Variants in EXOC4 observed in about 807,000 individuals in gnomAD.
The protein encoded by EXOC4 is exocyst complex component 4.
In EXOC4, 71 loss-of-function variants were observed where a neutral mutation model predicts 107.2. The observed-to-expected ratio is 0.66, with a 90% CI of 0.55 to 0.81. The LOEUF (loss-of-function observed/expected upper bound fraction) is 0.81. Among genes scored for constraint, EXOC4 ranks in the 30% least tolerant of loss-of-function variants. EXOC4 has a pLI of 0.00. For missense variants in EXOC4, 1,108 were observed against 1,189.6 expected (o/e 0.93, Z 1.01); for synonymous variants, 456 against 441.2 (o/e 1.03, Z -0.42).
At chr7:133,629,534 G>GT (rs144512396) in intron 9 of EXOC4, among the ~76,000 whole-genome samples, 228 of 125,100 alleles carry the variant, frequency 1.8e-3, no homozygotes, top group Non-Finnish European at 2.5e-3. Context: ...GTTTTGTTTT[G>GT]TTTGTTTGTT....
At chr7:133,604,241 T>C (rs187755696) in intron 9 of EXOC4, among the ~76,000 whole-genome samples, 1 of 152,324 alleles carries the variant, frequency 6.6e-6, no homozygotes, top group East Asian at 1.9e-4. Context: ...ATTACAGTTA[T>C]CTTTTTTTAT....
At chr7:133,827,847 C>T (rs115740153) in intron 11 of EXOC4, among the ~76,000 whole-genome samples, 3,646 of 152,256 alleles carry the variant, frequency 0.024, 148 homozygotes, top group African/African-American at 0.083. Context: ...TAGTCAGTGA[C>T]ACTTGTTTAC....
chr7:133,760,104 C>T (rs73152917), intron 10 of EXOC4, among the ~76,000 whole-genome samples: 13,903 of 152,076 alleles, frequency 0.091, 717 homozygotes, highest in African/African-American at 0.13. Context: ...TGCTTAGTTC[C>T]GTGTAATCAG....
chr7:133,483,935 A>G (rs2150865105), intron 9 of EXOC4: 1 of 1,175,982 alleles, frequency 8.5e-7, no homozygotes. Flanking sequence ...GTCAAACCGT[A>G]AGAGACTAAG....
chr7:133,347,194 T>C (rs1015377738), intron 5 of EXOC4, among the ~76,000 whole-genome samples: 2 of 152,116 alleles, frequency 1.3e-5, no homozygotes, highest in African/African-American at 4.8e-5. Flanking sequence ...TAGGTATACA[T>C]GTAAGTAGCT....
At chr7:133,477,163 C>T (rs1488001702) in intron 8 of EXOC4, among the ~76,000 whole-genome samples, 1 of 152,154 alleles carries the variant, frequency 6.6e-6, no homozygotes, top group African/African-American at 2.4e-5. Context: ...ATTGAGATGT[C>T]ATTATTAACT....
chr7:134,019,904 C>T (rs533358514), intron 17 of EXOC4, among the ~76,000 whole-genome samples: 32 of 152,188 alleles, frequency 2.1e-4, no homozygotes, highest in African/African-American at 6.3e-4. Context: ...GGCAGTTTGA[C>T]GGCAGAGGGG....
chr7:133,452,089 C>G (rs1299681014), intron 7 of EXOC4, among the ~76,000 whole-genome samples: 1 of 152,054 alleles, frequency 6.6e-6, no homozygotes, highest in East Asian at 1.9e-4. Flanking sequence ...CTCAGAAGAG[C>G]TGAGGCTTTG....
At chr7:133,846,047 AC>A (rs200358502) in intron 11 of EXOC4, among the ~76,000 whole-genome samples, 1 of 151,182 alleles carries the variant, frequency 6.6e-6, no homozygotes, top group Non-Finnish European at 1.5e-5. Context: ...AGAACTTTAT[AC>A]CCCCCAAAAA....
chr7:133,724,511 G>T (rs1795175286), intron 10 of EXOC4, among the ~76,000 whole-genome samples: 1 of 151,820 alleles, frequency 6.6e-6, no homozygotes, highest in East Asian at 1.9e-4. Context: ...ACATTATATT[G>T]TTCTAGGCTC....
At chr7:133,352,871 C>G (rs1265904825) in intron 5 of EXOC4, among the ~76,000 whole-genome samples, 1 of 151,978 alleles carries the variant, frequency 6.6e-6, no homozygotes, top group Non-Finnish European at 1.5e-5. Context: ...TTATAACTCT[C>G]TAACTTGAAT....
At chr7:133,281,911 C>G (rs1794163094) in intron 2 of EXOC4, among the ~76,000 whole-genome samples, 1 of 152,082 alleles carries the variant, frequency 6.6e-6, no homozygotes, top group South Asian at 2.1e-4. Flanking sequence ...CCATGTTGGC[C>G]AGGCTAGTCT....
At chr7:133,778,594 G>A (rs1196356417) in intron 10 of EXOC4, among the ~76,000 whole-genome samples, 1 of 152,114 alleles carries the variant, frequency 6.6e-6, no homozygotes, top group East Asian at 1.9e-4. Flanking sequence ...AAAAAACAAA[G>A]ACTTCTCTAC....
intron 10 of EXOC4, among the ~76,000 whole-genome samples, chr7:133,638,014 T>G (rs1376678910): frequency 6.6e-6 from 1 of 152,036 alleles, no homozygotes; most frequent in African/African-American, 2.4e-5. Flanking sequence ...AGGCGGTTTC[T>G]CATGAGAAAC....
rs528987160 is a variant in EXOC4, at chr7:133,960,703, G to A, written c.2206+22634G>A. Reference sequence around the variant, plus strand: ...TCATGGCGGGTTATCTTTCTGATATGTTATTGGATTCGGTTAGCTAGTATT... The same window carrying A: ...TCATGGCGGGTTATCTTTCTGATATATTATTGGATTCGGTTAGCTAGTATT... On this transcript the variant is annotated intron_variant, in intron 14 of 17. Transcript: ENST00000253861. Among the ~76,000 whole-genome samples, 5 of 152,296 alleles carry A rather than the reference G, an allele frequency of 3.3e-5. No individual in the cohort carries two copies. In the East Asian group the frequency reaches 9.6e-4, roughly 29 times the overall value.
chr7:133,634,143 A>G (rs1802652878), intron 10 of EXOC4, among the ~76,000 whole-genome samples: 1 of 152,124 alleles, frequency 6.6e-6, no homozygotes, highest in Non-Finnish European at 1.5e-5. Flanking sequence ...TCATAAAATT[A>G]TTATACCGGG....
chr7:133,449,941 C>T (rs560382270), intron 7 of EXOC4, among the ~76,000 whole-genome samples: 249 of 151,912 alleles, frequency 1.6e-3, no homozygotes, highest in Non-Finnish European at 2.8e-3. Context: ...TTGTTAGTAT[C>T]CTAGTTCCTT....
At chr7:133,909,572 G>T (rs1799644266) in intron 12 of EXOC4, among the ~76,000 whole-genome samples, 1 of 152,192 alleles carries the variant, frequency 6.6e-6, no homozygotes. Flanking sequence ...ACATTAGACA[G>T]GTAGAGGGGT....
chr7:133,687,742 A>G (rs1343496041), intron 10 of EXOC4, among the ~76,000 whole-genome samples: 5 of 152,132 alleles, frequency 3.3e-5, no homozygotes. Context: ...GTGTTTCTGT[A>G]ACATTAATAC....
Sources: allele counts gnomAD v4.1 joint callset (sites outside exome capture counted in the v4.1 genomes callset), GRCh38; gene constraint gnomAD v4.1.1; transcripts MANE v1.5; gene names NCBI Gene and HGNC (gene_info 2026-07-23, HGNC 2026-07-21).